Variants in DNAAF9 observed in about 807,000 individuals in gnomAD.
DNAAF9 encodes the protein shulin.
Under a neutral mutation model 167.0 loss-of-function variants are expected in DNAAF9, and 90 were observed. The observed-to-expected ratio is 0.54, with a 90% CI of 0.45 to 0.64. The LOEUF is 0.64. Among genes scored for constraint, DNAAF9 ranks in the 30% least tolerant of loss-of-function variants. The probability of loss-of-function intolerance (pLI) is 0.00; values close to 1 mark genes in which losing one functional copy is unlikely to be tolerated. For synonymous variants in DNAAF9, 491 were observed against 508.8 expected (o/e 0.96, Z 0.47); for missense variants, 1,315 against 1,442.2 (o/e 0.91, Z 1.43).
chr20:3,341,839 G>A (rs1322054533), intron 9 of DNAAF9, among the ~76,000 whole-genome samples: 1 of 151,962 alleles, frequency 6.6e-6, no homozygotes, highest in African/African-American at 2.4e-5. Context: ...GTGCAGTGGC[G>A]CGATCTCGGC....
intron 27 of DNAAF9, among the ~76,000 whole-genome samples, chr20:3,285,325 T>C (rs879380518): frequency 6.6e-5 from 10 of 151,992 alleles, no homozygotes; most frequent in Admixed American, 2.6e-4. Context: ...GGTGGGAAGA[T>C]TGGTTAAGCT....
At chr20:3,390,340 T>G (rs1192892713) in intron 1 of DNAAF9, among the ~76,000 whole-genome samples, 1 of 151,658 alleles carries the variant, frequency 6.6e-6, no homozygotes, top group Admixed American at 6.6e-5. Context: ...ATCTGGTGGG[T>G]ATAGCAAATA....
At position 3,359,576 on chromosome 20, in the gene DNAAF9, C is replaced by A; in HGVS notation, c.630G>T (p.Leu210Phe). 1.2e-6 allele frequency: 2 copies of A among 1,612,280 alleles called. No homozygotes were observed. The highest frequency in any genetic ancestry group is 1.1e-5 in the South Asian group (1 of 90,746). Residue 210 changes from leucine (L) to phenylalanine (F), a missense_variant, in exon 7 of 37, where the codon TTG (leucine) becomes TTT (phenylalanine). Around this residue, in one of 2 missense-constraint regions of DNAAF9, gnomAD observed 981 missense variants for 1,012.5 expected, o/e 0.97. Transcript: ENST00000252032. ...TCTTGCTGTAGACATTCCATAGATT[C>A]AAACTCACATCCTGCAACTGCAACA... is the stretch of plus-strand genomic sequence containing the variant. ...TMKYELQDVS[L>F]NLWNVYSKMD...
chr20:3,356,534 T>C (rs543157868), intron 7 of DNAAF9, among the ~76,000 whole-genome samples: 8 of 152,276 alleles, frequency 5.3e-5, no homozygotes, highest in Non-Finnish European at 1.0e-4. Flanking sequence ...TACTTTCTTA[T>C]GACTCTTAAC....
intron 10 of DNAAF9, among the ~76,000 whole-genome samples, chr20:3,332,902 T>TGTG (rs2069864651): frequency 1.8e-5 from 2 of 113,006 alleles, no homozygotes; most frequent in African/African-American, 8.3e-5. Context: ...GTGCGTGTGG[T>TGTG]GTGTGTGTGT....
In DNAAF9 at chr20:3,389,305, C is replaced by A. The variant is rs560028045; in HGVS notation, c.84-6799G>T. Among the ~76,000 whole-genome samples the A allele has an allele frequency of 6.2e-4, 94 of 151,422 alleles. 1 individual carries two copies. The highest frequency in any genetic ancestry group is 2.5e-3 in the Admixed American group (38 of 15,266). On this transcript the variant is annotated intron_variant, in intron 1 of 36. Coordinates refer to ENST00000252032, the MANE Select transcript of DNAAF9 (RefSeq NM_001009984.3). Reference sequence around the variant, plus strand: ...GGGCTACAGGTGCATACCACCACACCCAGCTAATTTTTCTATTTTTTTTTT... The same window carrying A: ...GGGCTACAGGTGCATACCACCACACACAGCTAATTTTTCTATTTTTTTTTT...
intron 10 of DNAAF9, among the ~76,000 whole-genome samples, chr20:3,333,124 T>A (rs1411237448): frequency 6.6e-6 from 1 of 152,148 alleles, no homozygotes; most frequent in East Asian, 1.9e-4. Context: ...GTGGGACAGC[T>A]CCAAATTCAG....
At chr20:3,331,935 A>G (rs2069837030) in intron 11 of DNAAF9, among the ~76,000 whole-genome samples, 1 of 152,166 alleles carries the variant, frequency 6.6e-6, no homozygotes, top group Non-Finnish European at 1.5e-5. Flanking sequence ...GGGCCTCCCA[A>G]AGTGCTGGGA....
chr20:3,391,421 C>T (rs1424366449), intron 1 of DNAAF9, among the ~76,000 whole-genome samples: 2 of 152,070 alleles, frequency 1.3e-5, no homozygotes, highest in East Asian at 3.8e-4. Context: ...CTTTTTTCTA[C>T]ATTACTGCTT....
Position 3,344,590 on chromosome 20 carries a change from TACACACACACACACACAC to T in DNAAF9, c.790-877_790-860del, listed in dbSNP as rs4053351. Among the ~76,000 whole-genome samples the T allele has an allele frequency of 3.5e-3, 502 of 144,612 alleles. 4 individuals are homozygous for T. Among genetic ancestry groups the T allele is most frequent in the African/African-American group, 9.3e-3 (368 of 39,532 alleles). 94.9% of individuals were successfully genotyped at this position (144,612 alleles called of 152,430 possible). A position where few individuals can be genotyped will look rare whatever the true frequency, so the allele number is the denominator to read the frequency against. ...ATATAATGGAAAAAATACACACACATACACACACACACACACACACACACACACACACACACACACACA... is the reference window on the plus strand; with the variant it reads ...ATATAATGGAAAAAATACACACACATACACACACACACACACACACACACA... On this transcript the variant is annotated intron_variant, in intron 8 of 36. Transcript: ENST00000252032.
At chr20:3,345,973 A>G (rs1364777375) in intron 8 of DNAAF9, among the ~76,000 whole-genome samples, 2 of 152,332 alleles carry the variant, frequency 1.3e-5, no homozygotes, top group East Asian at 3.9e-4. Flanking sequence ...CCTAAAACCT[A>G]TGCTCTATAG....
intron 7 of DNAAF9, among the ~76,000 whole-genome samples, chr20:3,356,057 C>T (rs770623411): frequency 1.7e-4 from 26 of 152,152 alleles, no homozygotes; most frequent in Non-Finnish European, 3.1e-4. Flanking sequence ...CAGAGTATCG[C>T]TCTGTTGCCC....
chr20:3,406,079 A>G (rs1298570851), intron 1 of DNAAF9, among the ~76,000 whole-genome samples: 1 of 152,234 alleles, frequency 6.6e-6, no homozygotes, highest in Non-Finnish European at 1.5e-5. Context: ...CCTAAATGCA[A>G]TGTTTCATTG....
At chr20:3,361,792 A>C (rs1441860733) in intron 6 of DNAAF9, 4 of 1,215,756 alleles carry the variant, frequency 3.3e-6, no homozygotes, top group Non-Finnish European at 3.4e-6. Flanking sequence ...TCTACAAGAC[A>C]TATCTAGAAA....
rs2083863775 is a variant in DNAAF9 at position 3,393,932 on chromosome 20, TATTG to T, written c.84-11430_84-11427del. On this transcript the variant is annotated intron_variant, in intron 1 of 36. Coordinates refer to ENST00000252032, the MANE Select transcript of DNAAF9 (RefSeq NM_001009984.3). ...ATTACAAGGGAAGTTGTCAAATGTTTATTGATTATCTACATTTCTTTTTCTATGA... is the reference window on the plus strand; with the variant it reads ...ATTACAAGGGAAGTTGTCAAATGTTTATTATCTACATTTCTTTTTCTATGA... Among the ~76,000 whole-genome samples the T allele has an allele frequency of 1.3e-5, 2 of 151,966 alleles. 1 individual carries two copies. The highest frequency in any genetic ancestry group is 4.1e-4 in the South Asian group (2 of 4,830).
intron 10 of DNAAF9, among the ~76,000 whole-genome samples, chr20:3,332,892 GTGCGTGTGGT>G (rs1360181171): frequency 2.3e-4 from 30 of 129,324 alleles, no homozygotes; most frequent in African/African-American, 9.5e-4. Flanking sequence ...GTGTGCGTGT[GTGCGTGTGGT>G]GTGTGTGTGT....
At chr20:3,346,673 G>A (rs1361441616) in intron 8 of DNAAF9, among the ~76,000 whole-genome samples, 2 of 152,178 alleles carry the variant, frequency 1.3e-5, no homozygotes, top group Non-Finnish European at 2.9e-5. Context: ...AAAGGTAAAT[G>A]AGAAACTCAA....
At chr20:3,332,846 A>T (rs2069856501) in intron 10 of DNAAF9, among the ~76,000 whole-genome samples, 1 of 151,334 alleles carries the variant, frequency 6.6e-6, no homozygotes, top group Non-Finnish European at 1.5e-5. Flanking sequence ...GTTTTTCCAA[A>T]GGTATCTTTT....
chr20:3,312,217 A>C (rs573623760), intron 20 of DNAAF9, among the ~76,000 whole-genome samples: 2 of 152,130 alleles, frequency 1.3e-5, no homozygotes, highest in African/African-American at 4.8e-5. Context: ...CGAACTCCCG[A>C]CTTCAGGTGA....
Sources: gnomAD v4.1 joint callset for allele counts (sites outside exome capture counted in the v4.1 genomes callset) on GRCh38, gnomAD v4.1.1 for gene constraint, gnomAD v4.1.1 regional missense constraint, MANE v1.5 for transcripts, NCBI Gene and HGNC (gene_info 2026-07-23, HGNC 2026-07-21) for gene names.